Variants in KCNH1 observed in about 807,000 individuals in gnomAD.
KCNH1 encodes the protein voltage-gated delayed rectifier potassium channel KCNH1.
KCNH1 carries 27 observed loss-of-function variants against 69.2 expected under a neutral mutation model. The observed-to-expected ratio is 0.39, with a 90% CI of 0.29 to 0.54. The LOEUF (loss-of-function observed/expected upper bound fraction) is 0.54. Ranked by LOEUF, KCNH1 falls within the 20% of genes least tolerant of loss-of-function variation. The pLI is 0.68. For missense variants in KCNH1, 798 were observed against 1,261.6 expected (o/e 0.63, Z 5.57); for synonymous variants, 456 against 487.7 (o/e 0.93, Z 0.86).
intron 7 of KCNH1, among the ~76,000 whole-genome samples, chr1:210,893,471 G>A (rs1399699193): frequency 6.6e-6 from 1 of 151,716 alleles, no homozygotes; most frequent in Non-Finnish European, 1.5e-5. Context: ...TTTTTATGAT[G>A]TACCTTGCCA....
chr1:210,927,662 G>C (rs1260024393), intron 6 of KCNH1, among the ~76,000 whole-genome samples: 4 of 151,860 alleles, frequency 2.6e-5, no homozygotes, highest in Admixed American at 2.0e-4. Context: ...TGAAAAAAAA[G>C]ATATTCAGGC....
intron 7 of KCNH1, among the ~76,000 whole-genome samples, chr1:210,849,209 C>A (rs1354984947): frequency 6.6e-6 from 1 of 152,024 alleles, no homozygotes; most frequent in African/African-American, 2.4e-5. Flanking sequence ...ACAATTCAGA[C>A]AAAATTAAAA....
At chr1:211,116,976 G>C (rs574506796) in intron 1 of KCNH1, among the ~76,000 whole-genome samples, 9 of 152,320 alleles carry the variant, frequency 5.9e-5, no homozygotes, top group African/African-American at 2.2e-4. Context: ...AAGGGAATGA[G>C]AGTAAAATGG....
Position 211,045,041 on chromosome 1 carries a change from G to GATATATATAT in KCNH1, c.559-25795_559-25786dup, listed in dbSNP as rs71134652. Reference sequence around the variant, plus strand: ...ATCAATGTGTGGATAAATTGTGGGGGATATATATATATATATATGAATAAT... The same window carrying GATATATATAT: ...ATCAATGTGTGGATAAATTGTGGGGGATATATATATATATATATATATATATATGAATAAT... On this transcript the variant is annotated intron_variant, in intron 5 of 10. Coordinates refer to ENST00000271751, the MANE Select transcript of KCNH1 (RefSeq NM_172362.3). Among the ~76,000 whole-genome samples the GATATATATAT allele has an allele frequency of 1.7e-3, 138 of 81,718 alleles. 7 individuals are homozygous for GATATATATAT. The Middle Eastern group carries it at 0.019, about 12-fold the overall frequency. 53.6% of individuals were successfully genotyped at this position (81,718 alleles called of 152,430 possible).
At chr1:210,894,194 T>C (rs1275489985) in intron 7 of KCNH1, among the ~76,000 whole-genome samples, 1 of 152,226 alleles carries the variant, frequency 6.6e-6, no homozygotes, top group Non-Finnish European at 1.5e-5. Context: ...CCTACACGTA[T>C]TTTTGAGCTT....
At chr1:210,881,351 C>T (rs1686490105) in intron 7 of KCNH1, among the ~76,000 whole-genome samples, 1 of 152,126 alleles carries the variant, frequency 6.6e-6, no homozygotes, top group Non-Finnish European at 1.5e-5. Flanking sequence ...GGCCCAAATC[C>T]AGAATACTAA....
chr1:211,090,549 C>G lies in KCNH1; in HGVS notation c.439+13G>C, dbSNP rs200162232. On this transcript the variant is annotated intron_variant, in intron 4 of 10. Transcript: ENST00000271751. ...AAGGCATAAATGTATTTGTACAAGT[C>G]AGAATTACAAACCTTTACATGAATC... 1 of 1,591,662 alleles carries G rather than the reference C, an allele frequency of 6.3e-7. No homozygotes were observed. Among genetic ancestry groups the G allele is most frequent in the East Asian group, 2.2e-5 (1 of 44,566 alleles).
chr1:210,874,905 G>A (rs1686334816), intron 7 of KCNH1, among the ~76,000 whole-genome samples: 1 of 152,058 alleles, frequency 6.6e-6, no homozygotes, highest in Non-Finnish European at 1.5e-5. Flanking sequence ...ACAGACTGAA[G>A]GCAGAATGGT....
intron 7 of KCNH1, among the ~76,000 whole-genome samples, chr1:210,901,460 G>C (rs1393860883): frequency 6.6e-6 from 1 of 152,190 alleles, no homozygotes; most frequent in African/African-American, 2.4e-5. Context: ...GGGATGTGTG[G>C]GATGGTGTGG....
intron 5 of KCNH1, among the ~76,000 whole-genome samples, chr1:211,076,879 G>T (rs1231355582): frequency 6.6e-6 from 1 of 152,184 alleles, no homozygotes; most frequent in Non-Finnish European, 1.5e-5. Context: ...TTAGATGAAT[G>T]GCTACCTAGA....
At position 211,001,905 on chromosome 1, in the gene KCNH1, C is replaced by T. The variant is rs566707287; in HGVS notation, c.1032+16878G>A. 1.4e-3 allele frequency among the ~76,000 whole-genome samples: 216 copies of T among 151,250 alleles called. 5 individuals are homozygous for T. Among genetic ancestry groups the T allele is most frequent in the Admixed American group, 0.014 (207 of 15,142 alleles). ...AGAACCATCATTCTCAGCAAACTAT[C>T]ACAAGGACAAAAAACCAAACACCAC... On this transcript the variant is annotated intron_variant, in intron 6 of 10. Transcript: ENST00000271751.
chr1:211,023,022 A>C (rs764370977), intron 5 of KCNH1, among the ~76,000 whole-genome samples: 6 of 151,950 alleles, frequency 3.9e-5, no homozygotes, highest in Non-Finnish European at 8.8e-5. Context: ...GAGGCAGGAG[A>C]AACACTTGAA....
intron 7 of KCNH1, among the ~76,000 whole-genome samples, chr1:210,844,161 T>C (rs1181830194): frequency 6.6e-6 from 1 of 152,136 alleles, no homozygotes; most frequent in Non-Finnish European, 1.5e-5. Flanking sequence ...AAAAACACCT[T>C]GGTGATAAAT....
chr1:210,874,620 G>A (rs1056457894), intron 7 of KCNH1, among the ~76,000 whole-genome samples: 1 of 152,114 alleles, frequency 6.6e-6, no homozygotes, highest in Non-Finnish European at 1.5e-5. Flanking sequence ...TAGTAGTTTT[G>A]CACAGCACTG....
At chr1:211,054,356 T>C (rs887990779) in intron 5 of KCNH1, among the ~76,000 whole-genome samples, 1 of 152,068 alleles carries the variant, frequency 6.6e-6, no homozygotes, top group African/African-American at 2.4e-5. Flanking sequence ...AGTTAAGCTA[T>C]GATTTCAGAG....
intron 7 of KCNH1, among the ~76,000 whole-genome samples, chr1:210,869,645 C>G (rs140679907): frequency 1.3e-5 from 2 of 151,986 alleles, no homozygotes; most frequent in Non-Finnish European, 2.9e-5. Flanking sequence ...TGGCAGTTAA[C>G]TTAATTACAT....
chr1:211,098,546 A>C (rs1335452371), intron 3 of KCNH1, among the ~76,000 whole-genome samples: 1 of 152,176 alleles, frequency 6.6e-6, no homozygotes, highest in African/African-American at 2.4e-5. Flanking sequence ...TCCCCAAAAG[A>C]TAGGACAAAT....
At chr1:210,986,068 G>C (rs1416577957) in intron 6 of KCNH1, among the ~76,000 whole-genome samples, 1 of 152,090 alleles carries the variant, frequency 6.6e-6, no homozygotes, top group Non-Finnish European at 1.5e-5. Flanking sequence ...GATGTTTGTT[G>C]GTTTAAAGTC....
At chr1:210,800,475 G>A (rs1441581173) in intron 8 of KCNH1, among the ~76,000 whole-genome samples, 5 of 152,306 alleles carry the variant, frequency 3.3e-5, no homozygotes, top group East Asian at 1.9e-4. Context: ...TAGTGAATGA[G>A]GCCTTGGCAT....
Sources: allele counts gnomAD v4.1 joint callset (sites outside exome capture counted in the v4.1 genomes callset), GRCh38; gene constraint gnomAD v4.1.1; transcripts MANE v1.5; gene names NCBI Gene and HGNC (gene_info 2026-07-23, HGNC 2026-07-21).